The following PSD4 variants were observed in gnomAD, a reference collection of about 807,000 sequenced individuals.
The protein encoded by PSD4 is pleckstrin and Sec7 domain containing 4, also known as PH and SEC7 domain-containing protein 4.
PSD4 carries 59 observed loss-of-function variants against 112.5 expected under a neutral mutation model. The observed-to-expected ratio is 0.52, with a 90% CI of 0.43 to 0.65. The LOEUF (loss-of-function observed/expected upper bound fraction) is 0.65. Among genes scored for constraint, PSD4 ranks in the 30% least tolerant of loss-of-function variants. PSD4 has a pLI of 0.00. For synonymous variants in PSD4, 533 were observed against 540.0 expected (o/e 0.99, Z 0.18); for missense variants, 1,267 against 1,352.6 (o/e 0.94, Z 0.99).
In PSD4 at chr2:113,207,854, G is replaced by C. The variant is rs1175741224; in HGVS notation, c.*6439G>C. ...GATTTCCACTGCTTCCCCAGGGCCT[G>C]ATATCTAGAGTCGAAAGAATGCACA... On this transcript the variant is annotated 3_prime_UTR_variant, in exon 17 of 17. Coordinates refer to ENST00000245796, the MANE Select transcript of PSD4 (RefSeq NM_012455.3). 6.6e-6 allele frequency: 1 copy of C among 152,196 alleles called. No individual in the cohort carries two copies. The highest frequency in any genetic ancestry group is 2.4e-5 in the African/African-American group (1 of 41,444). The allele number at this position is 152,196 out of a possible 1,614,324, so 9.4% of individuals were successfully genotyped here.
In PSD4 at chr2:113,193,508, C is replaced by T. The variant is rs59138274; in HGVS notation, c.2033-84C>T. The T allele has an allele frequency of 1.7e-3, 2,643 of 1,516,246 alleles. 40 individuals are homozygous for T. The East Asian group carries it at 0.041, about 24-fold the overall frequency. 93.9% of individuals were successfully genotyped at this position (1,516,246 alleles called of 1,614,324 possible). A position where few individuals can be genotyped will look rare whatever the true frequency, so the allele number is the denominator to read the frequency against. On this transcript the variant is annotated intron_variant, in intron 8 of 16. Coordinates refer to ENST00000245796, the MANE Select transcript of PSD4 (RefSeq NM_012455.3). ...GAATGGAAGCATTCCAGGGGTTATT[C>T]GGTTACCCCACGCAGTGTGGGCAGA...
intron 3 of PSD4, 123 bp from the exon 4 acceptor site, chr2:113,185,242 G>T: frequency 6.5e-7 from 1 of 1,542,514 alleles, no homozygotes; most frequent in African/African-American, 1.4e-5. Context: ...GGATGGAGGG[G>T]CTTCTGCCTA....
At chr2:113,188,281 C>T (rs1688353411) in intron 5 of PSD4, among the ~76,000 whole-genome samples, 1 of 152,084 alleles carries the variant, frequency 6.6e-6, no homozygotes, top group South Asian at 2.1e-4. Context: ...TTTGCTCTTG[C>T]TGCCCAGGCT....
Position 113,186,036 on chromosome 2 carries a change from C to T in PSD4, c.1409C>T (p.Pro470Leu), listed in dbSNP as rs774075743. 1.6e-5 allele frequency: 26 copies of T among 1,614,084 alleles called. No homozygotes were observed. The highest frequency in any genetic ancestry group is 6.7e-5 in the African/African-American group (5 of 74,922). The change falls in exon 5 of 17, where the codon CCG becomes CTG. Residue 470 changes from proline (P) to leucine (L), a missense_variant. Around this residue, in one of 2 missense-constraint regions of PSD4, gnomAD observed 723 missense variants for 704.0 expected, o/e 1.03. Transcript: ENST00000245796. ...CCTGCATCGTCCCAGGAGGGCAGCC[C>T]GCAGCTTCAACACCACAGCTCAGGC... is the stretch of plus-strand genomic sequence containing the variant. Reference protein sequence around the residue: ...PSPASSQEGSPQLQHHSSGIL... With the variant: ...PSPASSQEGSLQLQHHSSGIL...
chr2:113,184,870 A>G (rs1171137335), intron 2 of PSD4, 87 bp from the exon 3 acceptor site: 5 of 1,566,474 alleles, frequency 3.2e-6, no homozygotes, highest in East Asian at 4.5e-5. Context: ...AGGAGGCTTC[A>G]TGGGATTTGA....
rs1219025022 is a variant in PSD4 at position 113,183,247 on chromosome 2, A to G, written c.791A>G (p.Glu264Gly). 6.2e-7 allele frequency: 1 copy of G among 1,613,966 alleles called. No individual in the cohort carries two copies. Among genetic ancestry groups the G allele is most frequent in the African/African-American group, 1.3e-5 (1 of 74,910 alleles). Residue 264 changes from glutamate (E) to glycine (G), a missense_variant, in exon 2 of 17, where the codon GAG (glutamate) becomes GGG (glycine). Around this residue, in one of 2 missense-constraint regions of PSD4, gnomAD observed 723 missense variants for 704.0 expected, o/e 1.03. Coordinates refer to ENST00000245796, the MANE Select transcript of PSD4 (RefSeq NM_012455.3). ...TGCTCAGAGAACAGTGCTTCTGGAG[A>G]GTGCTTTTCCTGGGGGGCTTCAGAC... ...SPCSENSASG[E>G]CFSWGASDSH...
intron 4 of PSD4, 27 bp from the exon 5 acceptor site, chr2:113,185,850 C>T (rs748183074): frequency 2.5e-6 from 4 of 1,596,340 alleles, no homozygotes; most frequent in Non-Finnish European, 3.4e-6. Context: ...CTGCCCTGTG[C>T]CCGCCTCACT....
At chr2:113,183,662 G>C in intron 2 of PSD4, 150 bp downstream of exon 2, 2 of 669,114 alleles carry the variant, frequency 3.0e-6, no homozygotes, top group Non-Finnish European at 4.6e-6. Context: ...TAATAGAGCA[G>C]AAAATCAGGA....
intron 1 of PSD4, among the ~76,000 whole-genome samples, chr2:113,178,383 C>G (rs1688033482): frequency 6.6e-6 from 1 of 151,846 alleles, no homozygotes; most frequent in South Asian, 2.1e-4. Flanking sequence ...GAGATCTGCT[C>G]TCTTCTCTTT....
Position 113,194,107 on chromosome 2 carries a change from G to A in PSD4, c.2181+159G>A, listed in dbSNP as rs146993198. Among the ~76,000 whole-genome samples, 8 of 152,306 alleles carry A rather than the reference G, an allele frequency of 5.3e-5. No homozygotes were observed. The East Asian group carries it at 5.8e-4, about 11-fold the overall frequency. ...GGCTAGTAAAAGTGTATTCCCTGGCGGGCAGCATCAGAAGCATCTTGGAAT... is the reference window on the plus strand; with the variant it reads ...GGCTAGTAAAAGTGTATTCCCTGGCAGGCAGCATCAGAAGCATCTTGGAAT... On this transcript the variant is annotated intron_variant, in intron 10 of 16. Coordinates refer to ENST00000245796, the MANE Select transcript of PSD4 (RefSeq NM_012455.3).
intron 3 of PSD4, 143 bp downstream of exon 3, chr2:113,185,216 A>C: frequency 6.4e-7 from 1 of 1,551,966 alleles, no homozygotes; most frequent in Non-Finnish European, 8.8e-7. Flanking sequence ...CTGAGGCTCC[A>C]GCCTGGGTGG....
At chr2:113,193,795 C>T in intron 9 of PSD4, 64 bp from the exon 10 acceptor site, 1 of 1,579,072 alleles carries the variant, frequency 6.3e-7, no homozygotes, top group Non-Finnish European at 8.7e-7. Context: ...TGGTTGCTGG[C>T]TGGGAGGTTA....
chr2:113,187,282 T>C (rs1221627040), intron 5 of PSD4, among the ~76,000 whole-genome samples: 1 of 152,226 alleles, frequency 6.6e-6, no homozygotes, highest in African/African-American at 2.4e-5. Flanking sequence ...CGTTGTTTTC[T>C]CCAATGCAAG....
Position 113,183,469 on chromosome 2 carries a change from C to T in PSD4, c.1013C>T (p.Ala338Val). 1 of 1,590,920 alleles carries T rather than the reference C, an allele frequency of 6.3e-7. No homozygotes were observed. The highest frequency in any genetic ancestry group is 8.5e-7 in the Non-Finnish European group (1 of 1,169,830). ...ATCTGCTGGGCCTCAGTGGCTGCCG[C>T]TGAGGGGGCTCCTGCAGCACCTCCT... ...HSICWASVAA[A>V]EGAPAAPPGH... The change falls in exon 2 of 17, where the codon GCT (alanine) becomes GTT (valine). Residue 338 changes from alanine to valine, a missense_variant. Ala to Val is a moderately conservative substitution (Grantham distance 64). Coordinates refer to ENST00000245796, the MANE Select transcript of PSD4 (RefSeq NM_012455.3).
At chr2:113,186,533 A>G (rs988832401) in intron 5 of PSD4, among the ~76,000 whole-genome samples, 3 of 152,136 alleles carry the variant, frequency 2.0e-5, no homozygotes, top group Non-Finnish European at 2.9e-5. Flanking sequence ...AGACCAGGAG[A>G]GGAGGAAGGG....
intron 5 of PSD4, among the ~76,000 whole-genome samples, chr2:113,189,351 G>GTATATATATATATATA (rs35251391): frequency 2.7e-5 from 4 of 146,130 alleles, no homozygotes; most frequent in African/African-American, 1.0e-4. Context: ...ATATATAATA[G>GTATATATATATATATA]TATATATATA....
chr2:113,178,311 C>G (rs1273053895), intron 1 of PSD4, among the ~76,000 whole-genome samples: 1 of 152,080 alleles, frequency 6.6e-6, no homozygotes, highest in Non-Finnish European at 1.5e-5. Flanking sequence ...CCTTGGGCTC[C>G]CCTCCACTGA....
In PSD4 at chr2:113,183,367, C is replaced by T. The variant is rs1353912036; in HGVS notation, c.911C>T (p.Pro304Leu). Reference protein sequence around the residue: ...DTVLWELESEPDLGDGAAISG... With the variant: ...DTVLWELESELDLGDGAAISG... ...GTGCTGTGGGAGCTGGAAAGTGAGC[C>T]AGATTTGGGGGACGGCGCTGCTATC... is the stretch of plus-strand genomic sequence containing the variant. Residue 304 changes from proline (P) to leucine (L), a missense_variant, in exon 2 of 17, where the codon CCA (proline) becomes CTA (leucine). This residue lies in a region of PSD4 where 723 missense variants were observed against 704.0 expected (regional missense o/e 1.03). Coordinates refer to ENST00000245796, the MANE Select transcript of PSD4 (RefSeq NM_012455.3). The T allele has an allele frequency of 6.3e-7, 1 of 1,584,472 alleles. No homozygotes were observed. Among genetic ancestry groups the T allele is most frequent in the Non-Finnish European group, 8.6e-7 (1 of 1,164,458 alleles).
At chr2:113,191,074 C>A (rs1573366744) in intron 5 of PSD4, among the ~76,000 whole-genome samples, 2 of 152,196 alleles carry the variant, frequency 1.3e-5, no homozygotes, top group Admixed American at 1.3e-4. Flanking sequence ...GCCTCTGAAC[C>A]TCTCCACGGG....
Sources: gnomAD v4.1 joint callset for allele counts (sites outside exome capture counted in the v4.1 genomes callset) on GRCh38, gnomAD v4.1.1 for gene constraint, gnomAD v4.1.1 regional missense constraint, MANE v1.5 for transcripts, NCBI Gene and HGNC (gene_info 2026-07-23, HGNC 2026-07-21) for gene names.